The following GALNT13 variants were observed in gnomAD, a reference collection of about 807,000 sequenced individuals.
GALNT13 encodes the protein polypeptide N-acetylgalactosaminyltransferase 13.
Under a neutral mutation model 64.2 loss-of-function variants are expected in GALNT13, and 28 were observed. The ratio of observed to expected loss-of-function variants is 0.44; its 90% CI spans 0.32 to 0.60. The LOEUF (loss-of-function observed/expected upper bound fraction) is 0.60. Ranked by LOEUF, GALNT13 falls within the 20% of genes least tolerant of loss-of-function variation. GALNT13 has a pLI of 0.05. For missense variants in GALNT13, 577 were observed against 669.8 expected, an observed-to-expected ratio of 0.86 and a Z score of 1.53; for synonymous variants, 214 against 224.6, an observed-to-expected ratio of 0.95 and a Z score of 0.42.
chr2:153,496,175 A>T, the GALNT13 span, among the ~76,000 whole-genome samples: 1 of 152,158 alleles, frequency 6.6e-6, no homozygotes, highest in Admixed American at 6.5e-5. Context: ...CCATTAATAA[A>T]CGTTATTGCA....
the GALNT13 span, among the ~76,000 whole-genome samples, chr2:153,600,012 T>C: frequency 1.3e-5 from 2 of 151,974 alleles, no homozygotes; most frequent in Non-Finnish European, 2.9e-5. Flanking sequence ...TTTCCTCATC[T>C]TCACTCTACT....
chr2:153,622,716 T>G, the GALNT13 span, among the ~76,000 whole-genome samples: 8 of 152,162 alleles, frequency 5.3e-5, no homozygotes. Context: ...ACAACCAAAT[T>G]TGTATTAATA....
At chr2:153,866,623 CAT>C in the GALNT13 span, among the ~76,000 whole-genome samples, 2 of 152,102 alleles carry the variant, frequency 1.3e-5, no homozygotes, top group African/African-American at 4.8e-5. Context: ...ATACTTTCTT[CAT>C]GTCATGAAAT....
intron 11 of GALNT13, chr2:154,436,036 A>C (rs1458390444): frequency 6.6e-6 from 1 of 152,178 alleles, no homozygotes; most frequent in African/African-American, 2.4e-5. Context: ...TCCTAGAAAC[A>C]AGCATACAAA....
chr2:154,333,058 G>A (rs1695251942), intron 9 of GALNT13, among the ~76,000 whole-genome samples: 1 of 151,988 alleles, frequency 6.6e-6, no homozygotes, highest in Non-Finnish European at 1.5e-5. Flanking sequence ...AATGTCACAT[G>A]GCTTTAGAAT....
chr2:154,211,629 C>CAAAAAAAA (rs140095331), intron 4 of GALNT13, among the ~76,000 whole-genome samples: 29 of 37,928 alleles, frequency 7.6e-4, no homozygotes, highest in African/African-American at 9.1e-4. Context: ...ACTCCATCTC[C>CAAAAAAAA]AAAAAAAAAA....
the GALNT13 span, among the ~76,000 whole-genome samples, chr2:153,456,365 G>C: frequency 3.9e-5 from 6 of 152,056 alleles, no homozygotes; most frequent in Non-Finnish European, 8.8e-5. Context: ...GCCCTTTCTA[G>C]GCTTTTATGG....
At chr2:153,071,327 T>A in the GALNT13 span, among the ~76,000 whole-genome samples, 3 of 152,346 alleles carry the variant, frequency 2.0e-5, no homozygotes, top group Middle Eastern at 0.01. Context: ...TTTATGCCTT[T>A]CTGTGTTCTC....
the GALNT13 span, among the ~76,000 whole-genome samples, chr2:153,484,391 G>A: frequency 4.6e-5 from 7 of 152,040 alleles, no homozygotes; most frequent in East Asian, 1.9e-4. Flanking sequence ...TATTGATCTC[G>A]AATATTGTTA....
intron 4 of GALNT13, among the ~76,000 whole-genome samples, chr2:154,207,769 C>G (rs1307017858): frequency 6.6e-6 from 1 of 152,156 alleles, no homozygotes; most frequent in Admixed American, 6.5e-5. Flanking sequence ...ACTGGAACTA[C>G]TGATTCCTCT....
the GALNT13 span, among the ~76,000 whole-genome samples, chr2:153,647,965 A>G: frequency 6.6e-6 from 1 of 152,170 alleles, no homozygotes; most frequent in African/African-American, 2.4e-5. Flanking sequence ...TTTTGGTTCC[A>G]TATGAACTTT....
At chr2:153,778,508 A>G in the GALNT13 span, among the ~76,000 whole-genome samples, 12 of 152,192 alleles carry the variant, frequency 7.9e-5, no homozygotes. Context: ...TAAATTAAAG[A>G]GGTGAGGAAG....
chr2:154,083,361 G>A (rs1288317539), intron 3 of GALNT13, among the ~76,000 whole-genome samples: 1 of 151,920 alleles, frequency 6.6e-6, no homozygotes, highest in Non-Finnish European at 1.5e-5. Context: ...CTCCAGCTTT[G>A]TTCTTTTTGC....
chr2:153,928,499 T>C (rs1449515978), intron 2 of GALNT13, among the ~76,000 whole-genome samples: 1 of 152,154 alleles, frequency 6.6e-6, no homozygotes, highest in Non-Finnish European at 1.5e-5. Flanking sequence ...TTATATCTAC[T>C]TGAACATTCT....
chr2:154,163,161 T>G (rs1365698642), intron 4 of GALNT13, among the ~76,000 whole-genome samples: 1 of 114,896 alleles, frequency 8.7e-6, no homozygotes, highest in Non-Finnish European at 1.7e-5. Context: ...GGCCCTGGTG[T>G]GTGATGTTCC....
At chr2:153,130,036 C>T in the GALNT13 span, among the ~76,000 whole-genome samples, 1 of 152,142 alleles carries the variant, frequency 6.6e-6, no homozygotes, top group Non-Finnish European at 1.5e-5. Context: ...GGGCCCACAG[C>T]CTTTGAGTCC....
intron 9 of GALNT13, among the ~76,000 whole-genome samples, chr2:154,337,156 C>T (rs1019701949): frequency 6.6e-6 from 1 of 151,946 alleles, no homozygotes; most frequent in Non-Finnish European, 1.5e-5. Flanking sequence ...AATTGAAATG[C>T]TTAGTTAATA....
the GALNT13 span, among the ~76,000 whole-genome samples, chr2:153,628,786 A>G: frequency 6.6e-6 from 1 of 152,210 alleles, no homozygotes; most frequent in East Asian, 1.9e-4. Flanking sequence ...ATGTTCATCA[A>G]GGATATTGGT....
At chr2:153,112,754 C>T in the GALNT13 span, among the ~76,000 whole-genome samples, 8 of 152,030 alleles carry the variant, frequency 5.3e-5, no homozygotes, top group African/African-American at 1.9e-4. Context: ...CTTTAAAAGA[C>T]ACACAATTTA....
Sources: allele counts gnomAD v4.1 joint callset (sites outside exome capture counted in the v4.1 genomes callset), GRCh38; gene constraint gnomAD v4.1.1; transcripts MANE v1.5; gene names NCBI Gene and HGNC (gene_info 2026-07-23, HGNC 2026-07-21).